Variants in MECOM observed in about 807,000 individuals in gnomAD.
MECOM encodes the protein MDS1 and EVI1 complex locus.
MECOM carries 13 observed loss-of-function variants against 116.3 expected under a neutral mutation model. That is an observed-to-expected ratio of 0.11 (90% CI 0.07 to 0.18). The LOEUF is 0.18. Among genes scored for constraint, MECOM ranks in the 10% least tolerant of loss-of-function variants. The pLI, the probability that MECOM is intolerant of heterozygous loss-of-function variation, is 1.00. For synonymous variants in MECOM, 528 were observed against 535.2 expected (o/e 0.99, Z 0.19); for missense variants, 1,299 against 1,509.0 (o/e 0.86, Z 2.31).
intron 13 of MECOM, among the ~76,000 whole-genome samples, chr3:169,094,812 G>A (rs765943174): frequency 2.0e-5 from 3 of 152,138 alleles, no homozygotes; most frequent in East Asian, 1.9e-4. Context: ...AGTCTCCTGC[G>A]AGTTTAGGTC....
chr3:169,101,585 C>T (rs4955638), intron 11 of MECOM, among the ~76,000 whole-genome samples: 95,910 of 151,844 alleles, frequency 0.63, 30,440 homozygotes, highest in Admixed American at 0.68. Context: ...AAAAAAATCA[C>T]ACACAAAACC....
chr3:169,422,602 T>C (rs1335894414), intron 1 of MECOM, among the ~76,000 whole-genome samples: 1 of 152,090 alleles, frequency 6.6e-6, no homozygotes, highest in Non-Finnish European at 1.5e-5. Flanking sequence ...TGTCATTTAA[T>C]GGAGTCAAGA....
intron 1 of MECOM, chr3:169,477,097 GTGTGTGTGTA>G (rs1196067813): frequency 2.0e-5 from 1 of 49,490 alleles, no homozygotes; most frequent in Non-Finnish European, 3.3e-5. Context: ...GTGTGTGTGT[GTGTGTGTGTA>G]TATATATATA....
intron 1 of MECOM, among the ~76,000 whole-genome samples, chr3:169,579,136 C>G (rs1441524223): frequency 1.3e-5 from 2 of 152,166 alleles, no homozygotes; most frequent in Non-Finnish European, 2.9e-5. Context: ...AATGACAAGT[C>G]TTTCGAGAGT....
At chr3:169,539,275 C>A (rs1231295051) in intron 1 of MECOM, among the ~76,000 whole-genome samples, 3 of 152,126 alleles carry the variant, frequency 2.0e-5, no homozygotes, top group Non-Finnish European at 4.4e-5. Context: ...GATTCATTTG[C>A]CTGTGTATCC....
chr3:169,165,396 C>A (rs1743428034), intron 2 of MECOM, among the ~76,000 whole-genome samples: 1 of 152,166 alleles, frequency 6.6e-6, no homozygotes, highest in Non-Finnish European at 1.5e-5. Context: ...CTATAGCATA[C>A]CAGAAGTGTG....
At chr3:169,587,457 A>C (rs1045709373) in intron 1 of MECOM, among the ~76,000 whole-genome samples, 3 of 151,540 alleles carry the variant, frequency 2.0e-5, no homozygotes, top group Non-Finnish European at 4.4e-5. Context: ...ACACACACAC[A>C]CACACACACA....
At chr3:169,363,080 T>G (rs1399174785) in intron 2 of MECOM, among the ~76,000 whole-genome samples, 1 of 151,936 alleles carries the variant, frequency 6.6e-6, no homozygotes, top group African/African-American at 2.4e-5. Flanking sequence ...AGCCACAAAA[T>G]ACCGCAGCTC....
intron 1 of MECOM, among the ~76,000 whole-genome samples, chr3:169,442,016 C>T (rs909950169): frequency 3.9e-5 from 6 of 152,170 alleles, no homozygotes; most frequent in Non-Finnish European, 8.8e-5. Flanking sequence ...ACATCCACCT[C>T]ACAGGTTTAA....
intron 2 of MECOM, among the ~76,000 whole-genome samples, chr3:169,298,422 T>C (rs1262988218): frequency 2.0e-5 from 3 of 151,962 alleles, no homozygotes; most frequent in East Asian, 1.9e-4. Flanking sequence ...TGTCTTTATA[T>C]TGATAACATT....
At chr3:169,471,713 T>C (rs1749276027) in intron 1 of MECOM, among the ~76,000 whole-genome samples, 1 of 152,210 alleles carries the variant, frequency 6.6e-6, no homozygotes, top group South Asian at 2.1e-4. Flanking sequence ...TCCTGGCTCC[T>C]CATCACAATG....
At chr3:169,318,934 A>G (rs776317822) in intron 2 of MECOM, among the ~76,000 whole-genome samples, 2 of 152,008 alleles carry the variant, frequency 1.3e-5, no homozygotes, top group African/African-American at 2.4e-5. Flanking sequence ...CCTCGTCGCT[A>G]TTAAAAATAC....
chr3:169,339,659 A>G (rs1724154735), intron 2 of MECOM, among the ~76,000 whole-genome samples: 1 of 152,162 alleles, frequency 6.6e-6, no homozygotes, highest in Non-Finnish European at 1.5e-5. Flanking sequence ...ATGTGTGTGT[A>G]TATTAAGGTA....
intron 2 of MECOM, among the ~76,000 whole-genome samples, chr3:169,263,159 C>T (rs1303835730): frequency 1.3e-4 from 15 of 118,840 alleles, no homozygotes; most frequent in Non-Finnish European, 1.7e-4. Context: ...GACAGAGTCT[C>T]GCTCTGTCAC....
At chr3:169,504,098 G>A (rs1444721975) in intron 1 of MECOM, among the ~76,000 whole-genome samples, 1 of 150,542 alleles carries the variant, frequency 6.6e-6, no homozygotes, top group Non-Finnish European at 1.5e-5. Flanking sequence ...CTTTGTTCAA[G>A]ATGTCTCAGG....
intron 2 of MECOM, chr3:169,145,126 A>C: frequency 3.2e-6 from 3 of 936,184 alleles, no homozygotes; most frequent in Non-Finnish European, 4.8e-6. Context: ...ATCGAACATA[A>C]GATAGGGATA....
chr3:169,311,601 G>A (rs541978841), intron 2 of MECOM, among the ~76,000 whole-genome samples: 1 of 152,140 alleles, frequency 6.6e-6, no homozygotes, highest in East Asian at 1.9e-4. Context: ...ACATAATACA[G>A]GAAATGGCTT....
At chr3:169,328,925 A>G (rs935088845) in intron 2 of MECOM, among the ~76,000 whole-genome samples, 1 of 152,208 alleles carries the variant, frequency 6.6e-6, no homozygotes, top group African/African-American at 2.4e-5. Flanking sequence ...GGCTATTTAC[A>G]TCTGAGTACC....
intron 1 of MECOM, chr3:169,565,831 A>T (rs1474095196): frequency 2.8e-6 from 1 of 362,330 alleles, no homozygotes; most frequent in Non-Finnish European, 5.4e-6. Flanking sequence ...ACAGGGGCAT[A>T]TGAGGGAGTC....
Sources: gnomAD v4.1 joint callset for allele counts (sites outside exome capture counted in the v4.1 genomes callset) on GRCh38, gnomAD v4.1.1 for gene constraint, MANE v1.5 for transcripts, NCBI Gene and HGNC (gene_info 2026-07-23, HGNC 2026-07-21) for gene names.